Variants in DDX4 observed in about 807,000 individuals in gnomAD.
DDX4 encodes the protein probable ATP-dependent RNA helicase DDX4.
DDX4 carries 25 observed loss-of-function variants against 100.0 expected under a neutral mutation model. The ratio of observed to expected loss-of-function variants is 0.25; its 90% CI spans 0.18 to 0.35. DDX4 has a LOEUF of 0.35. DDX4 is among the 10% of genes least tolerant of loss of function. DDX4 has a pLI of 1.00. For missense variants in DDX4, 635 were observed against 882.4 expected (o/e 0.72, Z 3.55); for synonymous variants, 259 against 275.7 (o/e 0.94, Z 0.60).
chr5:55,798,589 AT>A lies in DDX4; in HGVS notation c.1615+25del, dbSNP rs749772853. 1.5e-5 allele frequency: 24 copies of A among 1,558,964 alleles called. No homozygotes were observed. The highest frequency in any genetic ancestry group is 1.1e-4 in the South Asian group (9 of 81,318). Reference sequence around the variant, plus strand: ...AAACATAGGTATCTTACGTTGATACATTTTTTTGTCATGATTTTGATTTTTT... The same window carrying A: ...AAACATAGGTATCTTACGTTGATACATTTTTTGTCATGATTTTGATTTTTT... On this transcript the variant is annotated intron_variant, in intron 18 of 21. Coordinates refer to ENST00000505374, the MANE Select transcript of DDX4 (RefSeq NM_024415.3).
rs1354699878 is a variant in DDX4, at chr5:55,764,065, G to T, written c.334+1G>T. 1 of 1,604,094 alleles carries T rather than the reference G, an allele frequency of 6.2e-7. No homozygotes were observed. Among genetic ancestry groups the T allele is most frequent in the Non-Finnish European group, 8.5e-7 (1 of 1,171,464 alleles). On this transcript the variant is annotated splice_donor_variant, in intron 6 of 21. Coordinates refer to ENST00000505374, the MANE Select transcript of DDX4 (RefSeq NM_024415.3). LOFTEE classifies it high-confidence loss of function. ...GGTGATAGCTCTGGTTTCTGGAGAG[G>T]TAAGGTTGATATTTTTGTGTTTTAA...
chr5:55,809,647 AGTTT>A (rs1227041051), intron 18 of DDX4, among the ~76,000 whole-genome samples: 1 of 152,204 alleles, frequency 6.6e-6, no homozygotes, highest in East Asian at 1.9e-4. Context: ...ATAAAGTGTC[AGTTT>A]GTTCCAGAAC....
rs1294441664 is a variant in DDX4, at chr5:55,785,349, G to C, written c.673+5G>C. On this transcript the variant is annotated splice_donor_5th_base_variant and intron_variant, in intron 11 of 21. Coordinates refer to ENST00000505374, the MANE Select transcript of DDX4 (RefSeq NM_024415.3). ...TAATAACAGGCTCTGGAAAGAGTAA[G>C]TTTTCCTTAAACAAGGTGTTTGATT... 2 of 1,604,628 alleles carry C rather than the reference G, an allele frequency of 1.2e-6. No individual in the cohort carries two copies. The highest frequency in any genetic ancestry group is 2.2e-5 in the South Asian group (2 of 90,334).
chr5:55,742,688 A>G (rs1355305399), intron 2 of DDX4, among the ~76,000 whole-genome samples: 2 of 152,190 alleles, frequency 1.3e-5, no homozygotes, highest in African/African-American at 4.8e-5. Flanking sequence ...GTATTTTAAG[A>G]GGTAAGCTAA....
chr5:55,774,198 C>T (rs1741422770), intron 7 of DDX4, among the ~76,000 whole-genome samples: 1 of 150,728 alleles, frequency 6.6e-6, no homozygotes. Context: ...CACCCAGACT[C>T]TGGGGTGCAG....
At chr5:55,755,390 A>G (rs967672866) in intron 3 of DDX4, among the ~76,000 whole-genome samples, 2 of 152,112 alleles carry the variant, frequency 1.3e-5, no homozygotes, top group Non-Finnish European at 2.9e-5. Flanking sequence ...AATGTTATCA[A>G]ATGGCTTTTT....
At chr5:55,794,277 T>C (rs1742775702) in intron 17 of DDX4, among the ~76,000 whole-genome samples, 1 of 150,880 alleles carries the variant, frequency 6.6e-6, no homozygotes, top group African/African-American at 2.4e-5. Context: ...AACCTCAATC[T>C]CCCGGGTTCA....
At chr5:55,760,403 G>A in intron 4 of DDX4, 126 bp downstream of exon 4, 1 of 922,346 alleles carries the variant, frequency 1.1e-6, no homozygotes, top group Non-Finnish European at 1.5e-6. Flanking sequence ...TTGGTGTTGA[G>A]ATAATGAGTT....
At chr5:55,796,184 C>T (rs1742922649) in intron 17 of DDX4, among the ~76,000 whole-genome samples, 1 of 152,190 alleles carries the variant, frequency 6.6e-6, no homozygotes, top group African/African-American at 2.4e-5. Context: ...GGATGGTGTC[C>T]ACCCACATTG....
intron 18 of DDX4, among the ~76,000 whole-genome samples, chr5:55,800,196 G>A (rs1743207552): frequency 6.6e-6 from 1 of 151,990 alleles, no homozygotes. Context: ...CCCATTTTAG[G>A]GATGAAGAAA....
In DDX4 at chr5:55,785,588, T is replaced by G. The variant is rs1249772456; in HGVS notation, c.721+94T>G. 8.3e-6 allele frequency: 11 copies of G among 1,323,968 alleles called. No individual in the cohort carries two copies. In the East Asian group the frequency reaches 2.5e-4, roughly 31 times the overall value. The allele number at this position is 1,323,968 out of a possible 1,614,324, so 82.0% of individuals were successfully genotyped here. A position where few individuals can be genotyped will look rare whatever the true frequency, so the allele number is the denominator to read the frequency against. On this transcript the variant is annotated intron_variant, in intron 12 of 21. Coordinates refer to ENST00000505374, the MANE Select transcript of DDX4 (RefSeq NM_024415.3). ...AAAAACAAAGTTATCTTTTAAAAAT[T>G]TGAACAGTGAAAACTTTAAAGGTAA...
intron 7 of DDX4, among the ~76,000 whole-genome samples, chr5:55,777,868 G>A (rs548398157): frequency 6.6e-6 from 1 of 152,254 alleles, no homozygotes; most frequent in South Asian, 2.1e-4. Flanking sequence ...TCTGAACATG[G>A]TTCTAATCTA....
chr5:55,807,919 A>C (rs187074918), intron 18 of DDX4, among the ~76,000 whole-genome samples: 1 of 152,198 alleles, frequency 6.6e-6, no homozygotes, highest in Admixed American at 6.5e-5. Context: ...GTGTTTTCCA[A>C]CTTTCTTCCA....
At chr5:55,745,030 A>G (rs1367616162) in intron 2 of DDX4, among the ~76,000 whole-genome samples, 1 of 151,922 alleles carries the variant, frequency 6.6e-6, no homozygotes, top group Non-Finnish European at 1.5e-5. Flanking sequence ...ACAGGCGCCC[A>G]TCACCATGCC....
At chr5:55,742,086 A>G (rs950865536) in intron 2 of DDX4, 1 of 444,112 alleles carries the variant, frequency 2.3e-6, no homozygotes, top group Non-Finnish European at 4.6e-6. Flanking sequence ...GAACTTCTCA[A>G]TTCTAAATTT....
chr5:55,804,537 T>A (rs968852759), intron 18 of DDX4, among the ~76,000 whole-genome samples: 4 of 152,192 alleles, frequency 2.6e-5, no homozygotes, highest in African/African-American at 9.6e-5. Flanking sequence ...AGCTTTCTTT[T>A]TATGGCTAGC....
intron 2 of DDX4, among the ~76,000 whole-genome samples, chr5:55,744,528 A>G (rs946354709): frequency 6.6e-6 from 1 of 152,250 alleles, no homozygotes; most frequent in Non-Finnish European, 1.5e-5. Context: ...AGAGCTATCC[A>G]GAGAAATGTT....
chr5:55,745,026 G>T (rs1471116953), intron 2 of DDX4, among the ~76,000 whole-genome samples: 1 of 151,846 alleles, frequency 6.6e-6, no homozygotes, highest in African/African-American at 2.4e-5. Flanking sequence ...GATTACAGGC[G>T]CCCATCACCA....
intron 18 of DDX4, among the ~76,000 whole-genome samples, chr5:55,810,257 AT>A (rs1744044411): frequency 6.6e-6 from 1 of 152,094 alleles, no homozygotes; most frequent in South Asian, 2.1e-4. Flanking sequence ...GGCACCTGCC[AT>A]CACGCCTGGC....
Sources: gnomAD v4.1 joint callset for allele counts (sites outside exome capture counted in the v4.1 genomes callset) on GRCh38, gnomAD v4.1.1 for gene constraint, MANE v1.5 for transcripts, NCBI Gene and HGNC (gene_info 2026-07-23, HGNC 2026-07-21) for gene names.